The following OSBPL1A variants were observed in gnomAD, a reference collection of about 807,000 sequenced individuals.
OSBPL1A encodes the protein oxysterol binding protein like 1A, also known as oxysterol-binding protein-related protein 1.
OSBPL1A carries 80 observed loss-of-function variants against 137.1 expected under a neutral mutation model. The ratio of observed to expected loss-of-function variants is 0.58; its 90% CI spans 0.49 to 0.70. The LOEUF is 0.70. Ranked by LOEUF, OSBPL1A falls within the 30% of genes least tolerant of loss-of-function variation. The probability of loss-of-function intolerance (pLI) is 0.00; values close to 1 mark genes in which losing one functional copy is unlikely to be tolerated. For missense variants in OSBPL1A, 970 were observed against 1,129.4 expected (o/e 0.86, Z 2.02); for synonymous variants, 365 against 389.7 (o/e 0.94, Z 0.75).
intron 1 of OSBPL1A, among the ~76,000 whole-genome samples, chr18:24,396,898 C>T (rs1322454556): frequency 1.3e-5 from 2 of 152,178 alleles, no homozygotes; most frequent in African/African-American, 2.4e-5. Context: ...GAAAACACAT[C>T]ACCGATTTTA....
chr18:24,235,135 T>C (rs1282222991), intron 16 of OSBPL1A, among the ~76,000 whole-genome samples: 1 of 152,108 alleles, frequency 6.6e-6, no homozygotes, highest in Non-Finnish European at 1.5e-5. Context: ...GGGAATGCGA[T>C]GATGTGATTG....
chr18:24,163,491 A>G (rs898972594), intron 27 of OSBPL1A, among the ~76,000 whole-genome samples: 4 of 152,232 alleles, frequency 2.6e-5, no homozygotes, highest in Admixed American at 1.3e-4. Flanking sequence ...GATACCATGC[A>G]AAAGGCATAT....
In OSBPL1A at chr18:24,171,350, C is replaced by T. The variant is rs2086281173; in HGVS notation, c.2291+59G>A. The T allele has an allele frequency of 1.7e-5, 22 of 1,331,826 alleles. No individual in the cohort carries two copies. The South Asian group carries it at 1.8e-4, about 11-fold the overall frequency. The allele number at this position is 1,331,826 out of a possible 1,614,324, so 82.5% of individuals were successfully genotyped here. ...CCCAGCCGACAATGTATTTTAATAC[C>T]GACATTTTATCTAGTGAACAAAATC... is the stretch of plus-strand genomic sequence containing the variant. On this transcript the variant is annotated intron_variant, in intron 23 of 27. Transcript: ENST00000319481.
At chr18:24,249,992 A>G (rs1331294873) in intron 15 of OSBPL1A, among the ~76,000 whole-genome samples, 1 of 152,100 alleles carries the variant, frequency 6.6e-6, no homozygotes, top group Non-Finnish European at 1.5e-5. Flanking sequence ...ACAGCAATGA[A>G]AGTGTCTCTT....
intron 2 of OSBPL1A, among the ~76,000 whole-genome samples, chr18:24,373,580 C>T (rs1022757221): frequency 9.9e-5 from 15 of 152,158 alleles, no homozygotes; most frequent in Non-Finnish European, 1.5e-5. Context: ...CTTCACTTTC[C>T]ACTCACATCA....
chr18:24,199,555 T>C (rs1157591060), intron 17 of OSBPL1A, among the ~76,000 whole-genome samples: 1 of 152,222 alleles, frequency 6.6e-6, no homozygotes, highest in African/African-American at 2.4e-5. Context: ...TGTGGCCCTG[T>C]TGCCTAGGAC....
intron 7 of OSBPL1A, among the ~76,000 whole-genome samples, chr18:24,329,568 CAG>C (rs1033421738): frequency 3.4e-5 from 5 of 146,616 alleles, no homozygotes; most frequent in African/African-American, 1.0e-4. Flanking sequence ...AAAAAAAGAA[CAG>C]TATGATCTGC....
At chr18:24,278,729 G>C (rs1213188816) in intron 15 of OSBPL1A, among the ~76,000 whole-genome samples, 1 of 152,122 alleles carries the variant, frequency 6.6e-6, no homozygotes, top group Admixed American at 6.6e-5. Context: ...CCACATAAGA[G>C]ACATGAGTGA....
At chr18:24,260,901 G>A in intron 15 of OSBPL1A, among the ~76,000 whole-genome samples, 1 of 145,960 alleles carries the variant, frequency 6.9e-6, no homozygotes, top group African/African-American at 2.5e-5. Context: ...CATTCTACTA[G>A]ATATTTCCAT....
chr18:24,368,222 C>T (rs1347797420), intron 3 of OSBPL1A, 65 bp downstream of exon 3: 4 of 1,316,860 alleles, frequency 3.0e-6, no homozygotes. Context: ...CTAAGACTTT[C>T]ATCTTAAAAT....
intron 15 of OSBPL1A, among the ~76,000 whole-genome samples, chr18:24,253,177 C>T (rs1214480593): frequency 3.2e-5 from 2 of 61,736 alleles, no homozygotes; most frequent in Non-Finnish European, 8.1e-5. Context: ...CGGGGGGGGG[C>T]GCTGAATGGA....
In OSBPL1A at chr18:24,181,245, T is replaced by C; in HGVS notation, c.1712A>G (p.Asn571Ser). 6.2e-7 allele frequency: 1 copy of C among 1,614,156 alleles called. No homozygotes were observed. Among genetic ancestry groups the C allele is most frequent in the South Asian group, 1.1e-5 (1 of 91,068 alleles). Reference sequence around the variant, plus strand: ...GCGCTGTAGGAAGCTCAGAGGCTCATTAAATATAACTGGCATCGTGATCTT... The same window carrying C: ...GCGCTGTAGGAAGCTCAGAGGCTCACTAAATATAACTGGCATCGTGATCTT... ...LSKITMPVIFNEPLSFLQRLT... is the reference protein window; with the variant it reads ...LSKITMPVIFSEPLSFLQRLT... The change falls in exon 19 of 28, where the codon AAT becomes AGT. Residue 571 changes from asparagine to serine, a missense_variant. By Grantham distance (46) the Asn-to-Ser change is conservative. Around this residue, in one of 2 missense-constraint regions of OSBPL1A, gnomAD observed 647 missense variants for 672.6 expected, o/e 0.96. Coordinates refer to ENST00000319481, the MANE Select transcript of OSBPL1A (RefSeq NM_080597.4).
intron 23 of OSBPL1A, among the ~76,000 whole-genome samples, chr18:24,171,042 G>GTT (rs748362943): frequency 1.4e-4 from 20 of 140,608 alleles, no homozygotes; most frequent in African/African-American, 4.1e-4. Flanking sequence ...AATTTTTTTT[G>GTT]TTTTTTTTTT....
chr18:24,181,625 C>A (rs1425850742), intron 18 of OSBPL1A, among the ~76,000 whole-genome samples: 2 of 152,292 alleles, frequency 1.3e-5, no homozygotes, highest in East Asian at 3.9e-4. Context: ...GAACAAAATT[C>A]TTCATAGTGG....
chr18:24,343,310 C>T (rs2091299169), intron 4 of OSBPL1A, among the ~76,000 whole-genome samples: 1 of 152,014 alleles, frequency 6.6e-6, no homozygotes, highest in African/African-American at 2.4e-5. Flanking sequence ...CAAAACACTG[C>T]TGAAAGAAAT....
At chr18:24,267,007 A>C (rs1305768928) in intron 15 of OSBPL1A, among the ~76,000 whole-genome samples, 3 of 152,032 alleles carry the variant, frequency 2.0e-5, no homozygotes, top group Non-Finnish European at 4.4e-5. Flanking sequence ...TTTGAAAAGT[A>C]ATCAAAAAAA....
chr18:24,342,007 T>A (rs1045808436), intron 4 of OSBPL1A, among the ~76,000 whole-genome samples: 1 of 152,222 alleles, frequency 6.6e-6, no homozygotes, highest in Non-Finnish European at 1.5e-5. Context: ...CTGAAGATCA[T>A]TCCTCTAAGG....
At position 24,358,433 on chromosome 18, in the gene OSBPL1A, C is replaced by T. The variant is rs1054454414; in HGVS notation, c.282+8459G>A. ...CTCCTGTCCACTTCTTCCCCACCCT[C>T]GTGCACAGGTGTGATGCCACGAGCA... On this transcript the variant is annotated intron_variant, in intron 4 of 27. Coordinates refer to ENST00000319481, the MANE Select transcript of OSBPL1A (RefSeq NM_080597.4). 1.6e-4 allele frequency: 112 copies of T among 701,774 alleles called. 1 individual carries two copies. The highest frequency in any genetic ancestry group is 9.8e-4 in the Admixed American group (49 of 49,928). 43.5% of individuals were successfully genotyped at this position (701,774 alleles called of 1,614,324 possible).
At chr18:24,176,302 A>T (rs770922069) in intron 21 of OSBPL1A, among the ~76,000 whole-genome samples, 4 of 152,204 alleles carry the variant, frequency 2.6e-5, no homozygotes, top group Non-Finnish European at 5.9e-5. Context: ...ATATCGAGAC[A>T]GTGTGTCTCT....
Sources: gnomAD v4.1 joint callset for allele counts (sites outside exome capture counted in the v4.1 genomes callset) on GRCh38, gnomAD v4.1.1 for gene constraint, gnomAD v4.1.1 regional missense constraint, MANE v1.5 for transcripts, NCBI Gene and HGNC (gene_info 2026-07-23, HGNC 2026-07-21) for gene names.